AAK1: variants seen among roughly 807,000 people sequenced by gnomAD.
AAK1 encodes the protein AP2 associated kinase 1, also known as AP2-associated protein kinase 1.
In AAK1, 37 loss-of-function variants were observed where a neutral mutation model predicts 116.0. The ratio of observed to expected loss-of-function variants is 0.32; its 90% CI spans 0.25 to 0.42. The LOEUF (loss-of-function observed/expected upper bound fraction) is 0.42. AAK1 is among the 10% of genes least tolerant of loss of function. The pLI, the probability that AAK1 is intolerant of heterozygous loss-of-function variation, is 1.00. For synonymous variants in AAK1, 458 were observed against 439.9 expected (o/e 1.04, Z -0.51); for missense variants, 919 against 1,170.6 (o/e 0.79, Z 3.14).
rs1675862950 is a variant in AAK1 at position 69,643,672 on chromosome 2, C to G, written c.-332G>C. On this transcript the variant is annotated 5_prime_UTR_variant, in exon 1 of 22. Transcript: ENST00000409085. ...ACGCAGAGAAGAGGCGGCGCTGCAG[C>G]GAGAGCCGGGGCCGCGCTCGGCTCC... 3 of 1,224,692 alleles carry G rather than the reference C, an allele frequency of 2.4e-6. No individual in the cohort carries two copies. Among genetic ancestry groups the G allele is most frequent in the Non-Finnish European group, 3.1e-6 (3 of 983,462 alleles). The allele number at this position is 1,224,692 out of a possible 1,614,324, so 75.9% of individuals were successfully genotyped here.
At chr2:69,496,358 C>T (rs1280159899) in intron 16 of AAK1, among the ~76,000 whole-genome samples, 5 of 129,920 alleles carry the variant, frequency 3.8e-5, no homozygotes, top group Non-Finnish European at 6.1e-5. Flanking sequence ...CTGAAACCTC[C>T]GCCTCCCGGT....
At chr2:69,520,776 T>A in intron 11 of AAK1, 58 bp downstream of exon 11, 1 of 1,499,358 alleles carries the variant, frequency 6.7e-7, no homozygotes, top group South Asian at 1.4e-5. Context: ...CCAAGACTTC[T>A]CTGTTGTCCA....
At chr2:69,609,534 T>G (rs1020174166) in intron 2 of AAK1, among the ~76,000 whole-genome samples, 59 of 150,156 alleles carry the variant, frequency 3.9e-4, no homozygotes, top group African/African-American at 1.4e-3. Flanking sequence ...ATACAAAAAT[T>G]AGTCAGGCAC....
At chr2:69,505,811 G>T in intron 15 of AAK1, 138 bp from the exon 16 acceptor site, 1 of 576,014 alleles carries the variant, frequency 1.7e-6, no homozygotes, top group African/African-American at 1.9e-5. Flanking sequence ...ACATTCAAAG[G>T]TCCTTGTCTA....
Position 69,480,873 on chromosome 2 carries a change from G to C in AAK1, c.2556C>G (p.Thr852=). The change falls in exon 19 of 22, where the codon ACC becomes ACG. Residue 852 remains threonine, a synonymous_variant. Coordinates refer to ENST00000409085, the MANE Select transcript of AAK1 (RefSeq NM_014911.5). ...QRLPSQTESV[T]SNRTDSLTGE... ...CACCTGACTGACCTGTGCGATTCGA[G>C]GTCACAGATTCCGTCTGAGATGGGA... is the stretch of plus-strand genomic sequence containing the variant. 1 of 1,599,892 alleles carries C rather than the reference G, an allele frequency of 6.3e-7. No individual in the cohort carries two copies. Among genetic ancestry groups the C allele is most frequent in the Non-Finnish European group, 8.5e-7 (1 of 1,173,790 alleles).
intron 5 of AAK1, among the ~76,000 whole-genome samples, chr2:69,537,617 T>C (rs1485686919): frequency 6.6e-6 from 1 of 152,224 alleles, no homozygotes; most frequent in Non-Finnish European, 1.5e-5. Flanking sequence ...TCTTTGGCCC[T>C]GACTACTGCT....
Position 69,475,664 on chromosome 2 carries a change from G to C in AAK1, c.*205C>G. On this transcript the variant is annotated 3_prime_UTR_variant, in exon 22 of 22. Transcript: ENST00000409085. The stretch of plus-strand genomic sequence containing the variant: ...AGAAAACACAGCAAACTAACAAGGA[G>C]GAACTGGCCAAGGAATATCTGGAGG... The C allele has an allele frequency of 6.6e-6, 9 of 1,360,416 alleles. No individual in the cohort carries two copies. The highest frequency in any genetic ancestry group is 8.5e-6 in the Non-Finnish European group (9 of 1,056,208). The allele number at this position is 1,360,416 out of a possible 1,614,324, so 84.3% of individuals were successfully genotyped here.
intron 5 of AAK1, among the ~76,000 whole-genome samples, chr2:69,538,163 G>A (rs1174746625): frequency 6.6e-6 from 1 of 152,268 alleles, no homozygotes; most frequent in African/African-American, 2.4e-5. Flanking sequence ...ATCAGATGCA[G>A]AAGGCCAACT....
At chr2:69,643,316 C>T in intron 1 of AAK1, 42 bp from the exon 2 acceptor site, 1 of 1,336,666 alleles carries the variant, frequency 7.5e-7, no homozygotes, top group Non-Finnish European at 9.5e-7. Flanking sequence ...ATCAGTAACA[C>T]GCTTAAAAAT....
Position 69,471,051 on chromosome 2 carries a change from T to C in AAK1, c.*4818A>G, listed in dbSNP as rs1366305369. On this transcript the variant is annotated 3_prime_UTR_variant, in exon 22 of 22. Coordinates refer to ENST00000409085, the MANE Select transcript of AAK1 (RefSeq NM_014911.5). ...GTTTTTACTGCATAAGATATCTTCA[T>C]GTACAACTGTATGCTTTGTCTTCTT... is the stretch of plus-strand genomic sequence containing the variant. The C allele has an allele frequency of 1.8e-5, 18 of 985,728 alleles. No individual in the cohort carries two copies. In the South Asian group the frequency reaches 2.8e-4, roughly 15 times the overall value. 61.1% of individuals were successfully genotyped at this position (985,728 alleles called of 1,614,324 possible). A position where few individuals can be genotyped will look rare whatever the true frequency, so the allele number is the denominator to read the frequency against.
chr2:69,558,333 C>A, intron 2 of AAK1, among the ~76,000 whole-genome samples: 1 of 122,320 alleles, frequency 8.2e-6, no homozygotes, highest in South Asian at 2.8e-4. Flanking sequence ...GAAAGAGACC[C>A]TGTCTCAAAA....
intron 2 of AAK1, among the ~76,000 whole-genome samples, chr2:69,614,675 C>T (rs1674240792): frequency 6.6e-6 from 1 of 152,088 alleles, no homozygotes; most frequent in Admixed American, 6.5e-5. Flanking sequence ...GTAAATGTGA[C>T]CTTATATAGA....
intron 6 of AAK1, 83 bp downstream of exon 6, chr2:69,531,958 C>T (rs2105026745): frequency 6.4e-7 from 1 of 1,567,334 alleles, no homozygotes; most frequent in East Asian, 2.3e-5. Context: ...TCTCTCCCCA[C>T]CCTGACCTTC....
chr2:69,549,199 T>G (rs1054849099), intron 3 of AAK1, among the ~76,000 whole-genome samples: 8 of 152,020 alleles, frequency 5.3e-5, no homozygotes, highest in African/African-American at 1.9e-4. Context: ...TGAAACCGCG[T>G]CTCTACTAAA....
chr2:69,532,281 G>A, intron 5 of AAK1, 119 bp from the exon 6 acceptor site: 1 of 1,268,150 alleles, frequency 7.9e-7, no homozygotes, highest in Non-Finnish European at 1.1e-6. Context: ...AATGTGCACA[G>A]GGAAGTTATT....
chr2:69,615,330 A>G (rs937252702), intron 2 of AAK1, among the ~76,000 whole-genome samples: 3 of 152,170 alleles, frequency 2.0e-5, no homozygotes, highest in Non-Finnish European at 4.4e-5. Flanking sequence ...GATCCTTATG[A>G]GAGACACAGA....
intron 2 of AAK1, among the ~76,000 whole-genome samples, chr2:69,584,159 G>T (rs1311046711): frequency 6.6e-6 from 1 of 152,108 alleles, no homozygotes; most frequent in Non-Finnish European, 1.5e-5. Context: ...AATGATTCTG[G>T]TATAGTTACC....
intron 2 of AAK1, chr2:69,595,094 G>C (rs1428943747): frequency 1.5e-6 from 1 of 653,192 alleles, no homozygotes; most frequent in African/African-American, 1.8e-5. Context: ...AAAAAGCTAG[G>C]ATTTTGTTTC....
At chr2:69,523,550 C>T (rs1252165716) in intron 10 of AAK1, among the ~76,000 whole-genome samples, 1 of 152,186 alleles carries the variant, frequency 6.6e-6, no homozygotes, top group East Asian at 1.9e-4. Flanking sequence ...TTGCTGCTAG[C>T]ACTTACTCGT....
Sources: allele counts gnomAD v4.1 joint callset (sites outside exome capture counted in the v4.1 genomes callset), GRCh38; gene constraint gnomAD v4.1.1; transcripts MANE v1.5; gene names NCBI Gene and HGNC (gene_info 2026-07-23, HGNC 2026-07-21).